COL5A1: variants seen among roughly 807,000 people sequenced by gnomAD.
The protein encoded by COL5A1 is collagen type V alpha 1 chain, also known as collagen alpha-1(V) chain.
In COL5A1, 16 loss-of-function variants were observed where a neutral mutation model predicts 263.7. The observed-to-expected ratio is 0.06, with a 90% CI of 0.04 to 0.09. The LOEUF is 0.09. Among genes scored for constraint, COL5A1 ranks in the 10% least tolerant of loss-of-function variants. The pLI is 1.00. For missense variants in COL5A1, 2,036 were observed against 2,540.5 expected, an observed-to-expected ratio of 0.80 and a Z score of 4.27; for synonymous variants, 1,012 against 1,004.5, an observed-to-expected ratio of 1.01 and a Z score of -0.14.
At chr9:134,666,521 AC>A (rs1832363175) in intron 1 of COL5A1, among the ~76,000 whole-genome samples, 2 of 152,202 alleles carry the variant, frequency 1.3e-5, no homozygotes, top group African/African-American at 2.4e-5. Flanking sequence ...TCAAAGGCAC[AC>A]AGGTTGGGCT....
chr9:134,740,764 G>C (rs1835272194), intron 11 of COL5A1, among the ~76,000 whole-genome samples: 1 of 152,186 alleles, frequency 6.6e-6, no homozygotes, highest in Non-Finnish European at 1.5e-5. Flanking sequence ...GGCCCTGCCA[G>C]TGCCTTGTGA....
At position 134,674,281 on chromosome 9, in the gene COL5A1, C is replaced by T. The variant is rs569797366; in HGVS notation, c.110-16631C>T. 2.4e-4 allele frequency among the ~76,000 whole-genome samples: 37 copies of T among 152,204 alleles called. 2 individuals are homozygous for T. The South Asian group carries it at 4.4e-3, about 18-fold the overall frequency. ...GAGCAGCCCAAGTGCCCACCTGGTACGGGGACAAACAAGCGGGAATACTGC... is the reference window on the plus strand; with the variant it reads ...GAGCAGCCCAAGTGCCCACCTGGTATGGGGACAAACAAGCGGGAATACTGC... On this transcript the variant is annotated intron_variant, in intron 1 of 65. Transcript: ENST00000371817.
In COL5A1 at chr9:134,762,530, G is replaced by A. The variant is rs151052209; in HGVS notation, c.1989+552G>A. 2.0e-3 allele frequency among the ~76,000 whole-genome samples: 299 copies of A among 152,274 alleles called. 1 individual carries two copies. Among genetic ancestry groups the A allele is most frequent in the African/African-American group, 6.5e-3 (268 of 41,550 alleles). Reference sequence around the variant, plus strand: ...CAGGCCGGGGTCTGGTATCTGCCACGCCGTCTTCATGTGTGGAGGCGAAGT... The same window carrying A: ...CAGGCCGGGGTCTGGTATCTGCCACACCGTCTTCATGTGTGGAGGCGAAGT... On this transcript the variant is annotated intron_variant, in intron 19 of 65. Transcript: ENST00000371817.
rs1838634262 is a variant in COL5A1, at chr9:134,813,849, C to T, written c.3853-134C>T. ...TCTGGGAGTGTGTGGGGACAGCACT[C>T]CCCAGAAACCCCTGGGTCCTGGGTG... On this transcript the variant is annotated intron_variant, in intron 48 of 65. Transcript: ENST00000371817. 1.2e-5 allele frequency: 11 copies of T among 893,940 alleles called. No homozygotes were observed. The Admixed American group carries it at 1.8e-4, about 15-fold the overall frequency. The allele number at this position is 893,940 out of a possible 1,614,324, so 55.4% of individuals were successfully genotyped here.
intron 4 of COL5A1, among the ~76,000 whole-genome samples, chr9:134,717,681 C>T (rs1834317540): frequency 6.6e-6 from 1 of 152,230 alleles, no homozygotes; most frequent in African/African-American, 2.4e-5. Flanking sequence ...TCATGGACAA[C>T]ATGCTTGCCG....
chr9:134,760,703 A>C (rs564160248), intron 18 of COL5A1, among the ~76,000 whole-genome samples: 1 of 131,758 alleles, frequency 7.6e-6, no homozygotes, highest in South Asian at 2.7e-4. Flanking sequence ...ATGCACACAC[A>C]CACCCACACA....
At position 134,735,819 on chromosome 9, in the gene COL5A1, A is replaced by G. The variant is rs1588485678; in HGVS notation, c.1390-2655A>G. On this transcript the variant is annotated intron_variant, in intron 9 of 65. Coordinates refer to ENST00000371817, the MANE Select transcript of COL5A1 (RefSeq NM_000093.5). ...TGAGCTCTCTGTGTACAGCACACACACGGGTGTCTCTCTGAGTGTGCATCT... is the reference window on the plus strand; with the variant it reads ...TGAGCTCTCTGTGTACAGCACACACGCGGGTGTCTCTCTGAGTGTGCATCT... Among the ~76,000 whole-genome samples, 5 of 152,292 alleles carry G rather than the reference A, an allele frequency of 3.3e-5. No homozygotes were observed. In the South Asian group the frequency reaches 1.0e-3, roughly 32 times the overall value.
intron 11 of COL5A1, among the ~76,000 whole-genome samples, chr9:134,743,721 G>T (rs756942095): frequency 6.6e-6 from 1 of 152,298 alleles, no homozygotes; most frequent in Middle Eastern, 3.4e-3. Flanking sequence ...GCTGCCCGGC[G>T]CTGTCTTATC....
chr9:134,669,153 T>G (rs1370692751), intron 1 of COL5A1, among the ~76,000 whole-genome samples: 1 of 143,202 alleles, frequency 7.0e-6, no homozygotes, highest in East Asian at 2.1e-4. Flanking sequence ...TTCCACCTAC[T>G]CTTCCTTCCT....
intron 41 of COL5A1, among the ~76,000 whole-genome samples, 196 bp from the exon 42 acceptor site, chr9:134,805,993 C>T (rs1267997963): frequency 6.6e-6 from 1 of 152,158 alleles, no homozygotes; most frequent in South Asian, 2.1e-4. Flanking sequence ...GGAGGAGCAC[C>T]TGGGAGCTTG....
In COL5A1 at chr9:134,687,707, G is replaced by A. The variant is rs914673598; in HGVS notation, c.110-3205G>A. ...GAGACCACACGCGTGATGCCATCTCGTCTTCACTGAGCACCTGGGCTGCTC... is the reference window on the plus strand; with the variant it reads ...GAGACCACACGCGTGATGCCATCTCATCTTCACTGAGCACCTGGGCTGCTC... On this transcript the variant is annotated intron_variant, in intron 1 of 65. Coordinates refer to ENST00000371817, the MANE Select transcript of COL5A1 (RefSeq NM_000093.5). Among the ~76,000 whole-genome samples the A allele has an allele frequency of 5.3e-5, 8 of 152,276 alleles. No individual in the cohort carries two copies. In the East Asian group the frequency reaches 9.7e-4, roughly 18 times the overall value.
intron 1 of COL5A1, among the ~76,000 whole-genome samples, chr9:134,688,008 C>T (rs1833138465): frequency 6.6e-6 from 1 of 152,210 alleles, no homozygotes; most frequent in African/African-American, 2.4e-5. Context: ...GGAAGAAAAG[C>T]TCCTGAAAGG....
chr9:134,800,991 C>G (rs1047297958), intron 37 of COL5A1, among the ~76,000 whole-genome samples: 1 of 152,304 alleles, frequency 6.6e-6, no homozygotes, highest in East Asian at 1.9e-4. Flanking sequence ...CATGTGGCAC[C>G]TGCAGATGGC....
At chr9:134,810,531 C>T (rs569717913) in intron 44 of COL5A1, 4 of 565,622 alleles carry the variant, frequency 7.1e-6, no homozygotes, top group South Asian at 4.8e-5. Context: ...AGGAAGCATC[C>T]ACCGGTTTTG....
chr9:134,654,277 GGA>G (rs1831820967), intron 1 of COL5A1, among the ~76,000 whole-genome samples: 2 of 141,368 alleles, frequency 1.4e-5, no homozygotes, highest in African/African-American at 2.7e-5. Flanking sequence ...GTGTAGGGCT[GGA>G]GGTGTGTAGA....
In COL5A1 at chr9:134,647,343, C is replaced by A. The variant is rs1831506653; in HGVS notation, c.109+5047C>A. 6.6e-6 allele frequency among the ~76,000 whole-genome samples: 1 copy of A among 152,048 alleles called. No homozygotes were observed. Among genetic ancestry groups the A allele is most frequent in the African/African-American group, 2.4e-5 (1 of 41,366 alleles). On this transcript the variant is annotated intron_variant, in intron 1 of 65. Transcript: ENST00000371817. The surrounding 1 kb of genome is among the most constrained non-coding windows in gnomAD (Gnocchi z 5.0). ...AGAAGCCAATTCCAGGGTTTGCACT[C>A]ATGTGTGCGTTTGTGTGTATGTGTG...
intron 9 of COL5A1, among the ~76,000 whole-genome samples, chr9:134,736,099 G>A (rs961444390): frequency 3.9e-5 from 6 of 152,204 alleles, no homozygotes; most frequent in Admixed American, 3.3e-4. Context: ...CCCCCTGGCC[G>A]GGAGTCCCCT....
chr9:134,766,176 C>T (rs1349362257), intron 21 of COL5A1, among the ~76,000 whole-genome samples: 1 of 152,160 alleles, frequency 6.6e-6, no homozygotes, highest in Admixed American at 6.5e-5. Flanking sequence ...CTTCAGCCTT[C>T]CCAGCCCCGT....
chr9:134,699,952 A>T lies in COL5A1; in HGVS notation c.321A>T (p.Lys107Asn), dbSNP rs1270524648. Residue 107 changes from lysine (K) to asparagine (N), a missense_variant, in exon 3 of 66, where the codon AAA becomes AAT. Lys to Asn is a moderately conservative substitution (Grantham distance 94). Around this residue, in one of 3 missense-constraint regions of COL5A1, gnomAD observed 600 missense variants for 634.5 expected, o/e 0.95. Transcript: ENST00000371817. ...ACTTCTCCATCCTAACAACTGTGAA[A>T]GCCAAGAAAGGCAGCCAGGCCTTCC... is the stretch of plus-strand genomic sequence containing the variant. ...PEDFSILTTV[K>N]AKKGSQAFLV... 6.2e-7 allele frequency: 1 copy of T among 1,613,990 alleles called. No homozygotes were observed. Among genetic ancestry groups the T allele is most frequent in the Non-Finnish European group, 8.5e-7 (1 of 1,180,038 alleles).
Sources: gnomAD v4.1 joint callset for allele counts (sites outside exome capture counted in the v4.1 genomes callset) on GRCh38, gnomAD v4.1.1 for gene constraint, gnomAD v4.1.1 regional missense constraint, Gnocchi (gnomAD v3.1) non-coding constraint, MANE v1.5 for transcripts, NCBI Gene and HGNC (gene_info 2026-07-23, HGNC 2026-07-21) for gene names.